B4GALNT3: variants seen among roughly 807,000 people sequenced by gnomAD.
The protein encoded by B4GALNT3 is beta-1,4-N-acetyl-galactosaminyltransferase 3, also known as beta-1,4-N-acetylgalactosaminyltransferase 3.
In B4GALNT3, 86 loss-of-function variants were observed where a neutral mutation model predicts 120.2. The ratio of observed to expected loss-of-function variants is 0.72; its 90% confidence interval spans 0.60 to 0.86. The LOEUF (loss-of-function observed/expected upper bound fraction) is 0.86. Ranked by LOEUF, B4GALNT3 falls within the 40% of genes least tolerant of loss-of-function variation. The pLI, the probability that B4GALNT3 is intolerant of heterozygous loss-of-function variation, is 0.00. For missense variants in B4GALNT3, 1,167 were observed against 1,298.9 expected (o/e 0.90, Z 1.56); for synonymous variants, 518 against 510.4 (o/e 1.01, Z -0.20).
chr12:546,300 G>A (rs1407034371), intron 6 of B4GALNT3, among the ~76,000 whole-genome samples: 1 of 148,596 alleles, frequency 6.7e-6, no homozygotes, highest in Non-Finnish European at 1.5e-5. Flanking sequence ...GTGCGGACAG[G>A]GAGGAGTGGG....
intron 1 of B4GALNT3, among the ~76,000 whole-genome samples, chr12:465,929 G>T (rs1946074082): frequency 7.0e-6 from 1 of 143,628 alleles, no homozygotes; most frequent in Non-Finnish European, 1.5e-5. Context: ...TGATGGTCCT[G>T]GGGCTGCCTG....
At chr12:479,558 T>A (rs1283738816) in intron 1 of B4GALNT3, among the ~76,000 whole-genome samples, 1 of 152,108 alleles carries the variant, frequency 6.6e-6, no homozygotes, top group Non-Finnish European at 1.5e-5. Context: ...GGATCTTACT[T>A]CTAAGGACTC....
At chr12:493,186 A>G (rs1404731096) in intron 1 of B4GALNT3, among the ~76,000 whole-genome samples, 1 of 152,240 alleles carries the variant, frequency 6.6e-6, no homozygotes, top group African/African-American at 2.4e-5. Context: ...TTTGCAAAAG[A>G]CATATTTGAT....
intron 1 of B4GALNT3, among the ~76,000 whole-genome samples, chr12:508,725 G>A (rs921147261): frequency 1.3e-5 from 2 of 152,126 alleles, no homozygotes; most frequent in Non-Finnish European, 2.9e-5. Context: ...GCTCCAGGCT[G>A]TTCTTGCCCA....
intron 1 of B4GALNT3, among the ~76,000 whole-genome samples, chr12:482,444 A>G (rs550344410): frequency 1.3e-5 from 2 of 152,358 alleles, no homozygotes; most frequent in South Asian, 4.1e-4. Flanking sequence ...AGGCTTGTCC[A>G]AGGTTAAAAA....
intron 1 of B4GALNT3, among the ~76,000 whole-genome samples, chr12:506,785 T>TTGC (rs1946500847): frequency 6.6e-6 from 1 of 151,992 alleles, no homozygotes; most frequent in African/African-American, 2.4e-5. Context: ...TACAGACACA[T>TTGC]ACCACCACGC....
chr12:512,269 T>TCTTCCACCTTTGAC (rs1565598609), intron 1 of B4GALNT3, among the ~76,000 whole-genome samples: 1 of 33,680 alleles, frequency 3.0e-5, no homozygotes, highest in Non-Finnish European at 5.1e-5. Flanking sequence ...TCTTCCACCT[T>TCTTCCACCTTTGAC]CTTCCACCTT....
At chr12:535,686 G>T (rs988125143) in intron 2 of B4GALNT3, among the ~76,000 whole-genome samples, 1 of 151,830 alleles carries the variant, frequency 6.6e-6, no homozygotes, top group African/African-American at 2.4e-5. Flanking sequence ...GCCCGTAGCT[G>T]GGAGTACAGA....
chr12:504,725 C>CA (rs946111456), intron 1 of B4GALNT3, among the ~76,000 whole-genome samples: 12 of 151,966 alleles, frequency 7.9e-5, no homozygotes, highest in Admixed American at 2.6e-4. Flanking sequence ...AACAAACAAA[C>CA]AAAAAAACCC....
At chr12:500,038 T>C (rs1396361458) in intron 1 of B4GALNT3, among the ~76,000 whole-genome samples, 1 of 152,252 alleles carries the variant, frequency 6.6e-6, no homozygotes, top group Non-Finnish European at 1.5e-5. Context: ...GTTGCTCTCT[T>C]GTTCGATAGC....
At position 535,269 on chromosome 12, in the gene B4GALNT3, G is replaced by A; in HGVS notation, c.273G>A (p.Glu91=). 1 of 1,613,086 alleles carries A rather than the reference G, an allele frequency of 6.2e-7. No individual in the cohort carries two copies. Among genetic ancestry groups the A allele is most frequent in the Admixed American group, 1.7e-5 (1 of 59,982 alleles). ...ACCATCCCCAGAGGCTGAGCCTCGA[G>A]GTAGGTGACCAGCCAGTCCATTGTC... is the stretch of plus-strand genomic sequence containing the variant. ...QFYHPQRLSL[E]DHDIDQGVSS... is the part of the protein sequence containing the mutation. The change falls in exon 2 of 20, where the codon GAG becomes GAA. Residue 91 remains glutamate, a splice_region_variant and synonymous_variant. Coordinates refer to ENST00000266383, the MANE Select transcript of B4GALNT3 (RefSeq NM_173593.4).
chr12:555,515 T>C (rs1202687794), intron 14 of B4GALNT3: 4 of 373,600 alleles, frequency 1.1e-5, no homozygotes, highest in African/African-American at 6.4e-5. Flanking sequence ...TTTCTACTTT[T>C]TGACTATTAC....
chr12:506,830 G>A (rs1032269014), intron 1 of B4GALNT3, among the ~76,000 whole-genome samples: 1 of 152,136 alleles, frequency 6.6e-6, no homozygotes, highest in Non-Finnish European at 1.5e-5. Context: ...TAGAGACGGG[G>A]TTTCACCGTG....
intron 1 of B4GALNT3, among the ~76,000 whole-genome samples, chr12:520,767 G>A (rs1327155472): frequency 5.9e-5 from 9 of 152,204 alleles, no homozygotes; most frequent in Non-Finnish European, 1.0e-4. Context: ...CTCCAGCCTG[G>A]GTGACAGAGC....
At chr12:497,950 GAC>G (rs1946403614) in intron 1 of B4GALNT3, among the ~76,000 whole-genome samples, 1 of 152,076 alleles carries the variant, frequency 6.6e-6, no homozygotes, top group African/African-American at 2.4e-5. Flanking sequence ...TCCTGGGTAT[GAC>G]ACACACTCGA....
chr12:467,378 A>C (rs888201887), intron 1 of B4GALNT3, among the ~76,000 whole-genome samples: 5 of 152,122 alleles, frequency 3.3e-5, no homozygotes, highest in Non-Finnish European at 7.3e-5. Context: ...GGCCAACATG[A>C]TGAAAGCCCA....
At chr12:502,221 C>A (rs11063301) in intron 1 of B4GALNT3, among the ~76,000 whole-genome samples, 10,904 of 152,184 alleles carry the variant, frequency 0.072, 972 homozygotes, top group African/African-American at 0.22. Context: ...GCATTCCCCC[C>A]GGGCATGGAC....
intron 1 of B4GALNT3, among the ~76,000 whole-genome samples, chr12:514,408 A>G (rs1447000393): frequency 6.6e-6 from 1 of 151,718 alleles, no homozygotes; most frequent in African/African-American, 2.4e-5. Flanking sequence ...CGTGTTAGCC[A>G]GGATGGTCTC....
chr12:541,014 A>T (rs1302371325), intron 3 of B4GALNT3, among the ~76,000 whole-genome samples: 1 of 152,224 alleles, frequency 6.6e-6, no homozygotes, highest in Non-Finnish European at 1.5e-5. Flanking sequence ...AAGTGCTGGG[A>T]TTACAGGCGT....
Sources: allele counts gnomAD v4.1 joint callset (sites outside exome capture counted in the v4.1 genomes callset), GRCh38; gene constraint gnomAD v4.1.1; transcripts MANE v1.5; gene names NCBI Gene and HGNC (gene_info 2026-07-23, HGNC 2026-07-21).